The following ARHGEF12 variants were observed in gnomAD, a reference collection of about 807,000 sequenced individuals.
ARHGEF12 encodes Rho guanine nucleotide exchange factor 12, also known as KMT2A/ARHGEF12 fusion protein.
ARHGEF12 carries 66 observed loss-of-function variants against 211.2 expected under a neutral mutation model. That is an observed-to-expected ratio of 0.31 (90% CI 0.26 to 0.38). The LOEUF (loss-of-function observed/expected upper bound fraction) is 0.38, where lower values mean the gene tolerates loss of function less well. ARHGEF12 is among the 10% of genes least tolerant of loss of function. ARHGEF12 has a pLI of 1.00. For synonymous variants in ARHGEF12, 592 were observed against 638.4 expected, an observed-to-expected ratio of 0.93 and a Z score of 1.09; for missense variants, 1,429 against 1,869.5, an observed-to-expected ratio of 0.76 and a Z score of 4.34.
intron 1 of ARHGEF12, among the ~76,000 whole-genome samples, chr11:120,349,622 A>AT (rs1457443656): frequency 6.6e-6 from 1 of 152,108 alleles, no homozygotes; most frequent in Non-Finnish European, 1.5e-5. Context: ...CAGCAGTTTA[A>AT]TTTTTTCATC....
At chr11:120,427,500 T>A (rs1945380755) in intron 7 of ARHGEF12, among the ~76,000 whole-genome samples, 1 of 151,506 alleles carries the variant, frequency 6.6e-6, no homozygotes, top group African/African-American at 2.4e-5. Flanking sequence ...CTCAGGAGTT[T>A]AAGACCAGCC....
At chr11:120,347,131 C>CT (rs1565416737) in intron 1 of ARHGEF12, among the ~76,000 whole-genome samples, 1 of 130,150 alleles carries the variant, frequency 7.7e-6, no homozygotes, top group East Asian at 2.2e-4. Context: ...TTCTTTCTTT[C>CT]TTTCCTTCCT....
chr11:120,404,356 G>A (rs796195045), intron 1 of ARHGEF12, among the ~76,000 whole-genome samples: 18 of 152,200 alleles, frequency 1.2e-4, no homozygotes, highest in African/African-American at 3.9e-4. Flanking sequence ...ATGCATATAA[G>A]CATATATATA....
chr11:120,433,055 G>A (rs1043322421), intron 11 of ARHGEF12, among the ~76,000 whole-genome samples: 7 of 152,100 alleles, frequency 4.6e-5, no homozygotes, highest in South Asian at 2.1e-4. Flanking sequence ...TCCCATACAC[G>A]GTGATAAGGT....
rs1945544350 is a variant in ARHGEF12, at chr11:120,431,755, C to A, written c.784-16C>A. The A allele has an allele frequency of 6.4e-7, 1 of 1,557,748 alleles. No homozygotes were observed. Among genetic ancestry groups the A allele is most frequent in the Non-Finnish European group, 8.7e-7 (1 of 1,152,286 alleles). On this transcript the variant is annotated splice_polypyrimidine_tract_variant and intron_variant, in intron 10 of 40. Transcript: ENST00000397843. ...TATGTGTTTGTGTGCGCGTGTTTTT[C>A]TTTCATCTGTTTTAGGATGGAGCTG...
intron 37 of ARHGEF12, among the ~76,000 whole-genome samples, chr11:120,478,836 T>C (rs1014786381): frequency 6.6e-6 from 1 of 152,206 alleles, no homozygotes; most frequent in African/African-American, 2.4e-5. Flanking sequence ...GAGTTTGGAC[T>C]AGAATGTTAT....
At chr11:120,424,992 G>T (rs1452154212) in intron 7 of ARHGEF12, among the ~76,000 whole-genome samples, 4 of 152,152 alleles carry the variant, frequency 2.6e-5, no homozygotes, top group Admixed American at 1.3e-4. Context: ...AGGTTTGAGT[G>T]AATAGCCCAC....
At chr11:120,371,582 A>G (rs1204437185) in intron 1 of ARHGEF12, among the ~76,000 whole-genome samples, 1 of 152,200 alleles carries the variant, frequency 6.6e-6, no homozygotes, top group Non-Finnish European at 1.5e-5. Flanking sequence ...CCCACTTCCT[A>G]AAAAAGGATG....
At chr11:120,439,286 T>C (rs548636244) in intron 12 of ARHGEF12, 2 of 152,336 alleles carry the variant, frequency 1.3e-5, no homozygotes, top group African/African-American at 4.8e-5. Flanking sequence ...TCTTAGAATT[T>C]TGTTATCTTT....
chr11:120,360,814 T>G (rs1206648272), intron 1 of ARHGEF12, among the ~76,000 whole-genome samples: 1 of 152,194 alleles, frequency 6.6e-6, no homozygotes, highest in Non-Finnish European at 1.5e-5. Flanking sequence ...TGAATGATTA[T>G]TACGTTAAAA....
In ARHGEF12 at chr11:120,474,566, G is replaced by A; in HGVS notation, c.3040G>A (p.Asp1014Asn). The change falls in exon 32 of 41, where the codon GAT becomes AAT. Residue 1014 changes from aspartate to asparagine, a missense_variant. Physicochemically the swap from Asp to Asn is conservative, Grantham distance 23 (BLOSUM62 1). This residue lies in a region of ARHGEF12 where 223 missense variants were observed against 444.6 expected (regional missense o/e 0.50). Transcript: ENST00000397843. ...ATTTTCTTTATTTTGCCAGAATTTGGATTTAACAAAAAGGAAGATGATTCA... is the reference window on the plus strand; with the variant it reads ...ATTTTCTTTATTTTGCCAGAATTTGAATTTAACAAAAAGGAAGATGATTCA... ...YPNVEELRNL[D>N]LTKRKMIHEG... The A allele has an allele frequency of 6.2e-7, 1 of 1,609,594 alleles. No homozygotes were observed. Among genetic ancestry groups the A allele is most frequent in the African/African-American group, 1.3e-5 (1 of 74,772 alleles).
intron 1 of ARHGEF12, among the ~76,000 whole-genome samples, chr11:120,374,111 A>C (rs1233284796): frequency 6.6e-6 from 1 of 152,082 alleles, no homozygotes; most frequent in Non-Finnish European, 1.5e-5. Context: ...CCGGCCAAAA[A>C]ATGTATTTTT....
chr11:120,429,574 T>A, intron 9 of ARHGEF12, 57 bp downstream of exon 9: 3 of 1,587,348 alleles, frequency 1.9e-6, no homozygotes, highest in Non-Finnish European at 2.6e-6. Context: ...GTGGGCATGG[T>A]TGAGTTGGTG....
At chr11:120,458,316 G>A in intron 25 of ARHGEF12, 82 bp downstream of exon 25, 2 of 1,529,056 alleles carry the variant, frequency 1.3e-6, no homozygotes, top group Non-Finnish European at 1.8e-6. Context: ...CTTGGAGTTT[G>A]CTTCAAAGTT....
chr11:120,456,953 C>T, intron 22 of ARHGEF12, 165 bp from the exon 23 acceptor site: 2 of 584,084 alleles, frequency 3.4e-6, no homozygotes, highest in Non-Finnish European at 5.8e-6. Flanking sequence ...GCCTGAGATG[C>T]CATAATTTTG....
chr11:120,465,752 T>A (rs1423372557), intron 28 of ARHGEF12, among the ~76,000 whole-genome samples: 1 of 152,246 alleles, frequency 6.6e-6, no homozygotes, highest in East Asian at 1.9e-4. Flanking sequence ...TGTGAGCCAC[T>A]GCACCTGGCC....
chr11:120,471,579 C>T (rs992601346), intron 30 of ARHGEF12, among the ~76,000 whole-genome samples: 4 of 152,134 alleles, frequency 2.6e-5, no homozygotes, highest in African/African-American at 4.8e-5. Context: ...ATGGAACATA[C>T]ACTTGAAATG....
Position 120,489,550 on chromosome 11 carries a change from C to T in ARHGEF12, c.*4473C>T, listed in dbSNP as rs1230472250. On this transcript the variant is annotated 3_prime_UTR_variant, in exon 41 of 41. Transcript: ENST00000397843. Reference sequence around the variant, plus strand: ...TGTGCTTTTACCAACAGCATTTTAGCTCAGAAGGCTCGCTTACTTTGGGCA... The same window carrying T: ...TGTGCTTTTACCAACAGCATTTTAGTTCAGAAGGCTCGCTTACTTTGGGCA... The T allele has an allele frequency of 4.6e-6, 1 of 219,060 alleles. No homozygotes were observed. Among genetic ancestry groups the T allele is most frequent in the East Asian group, 6.7e-5 (1 of 14,964 alleles). 13.6% of individuals were successfully genotyped at this position (219,060 alleles called of 1,614,324 possible).
intron 3 of ARHGEF12, 118 bp downstream of exon 3, chr11:120,407,941 T>A: frequency 3.9e-6 from 3 of 775,386 alleles, no homozygotes. Context: ...GACTCTCACA[T>A]TCCTCCAATT....
Sources: gnomAD v4.1 joint callset for allele counts (sites outside exome capture counted in the v4.1 genomes callset) on GRCh38, gnomAD v4.1.1 for gene constraint, gnomAD v4.1.1 regional missense constraint, MANE v1.5 for transcripts, NCBI Gene and HGNC (gene_info 2026-07-23, HGNC 2026-07-21) for gene names.